MRNIP: variants seen among roughly 807,000 people sequenced by gnomAD.
MRNIP encodes MRN complex-interacting protein.
Under a neutral mutation model 29.8 loss-of-function variants are expected in MRNIP, and 30 were observed. The ratio of observed to expected loss-of-function variants is 1.01; its 90% CI spans 0.75 to 1.36. MRNIP has a LOEUF of 1.36. MRNIP is among the 40% of genes most tolerant of loss of function. The probability of loss-of-function intolerance (pLI) is 0.00; values close to 1 mark genes in which losing one functional copy is unlikely to be tolerated. For missense variants in MRNIP, 459 were observed against 423.5 expected, an observed-to-expected ratio of 1.08 and a Z score of -0.74; for synonymous variants, 201 against 164.1, an observed-to-expected ratio of 1.23 and a Z score of -1.72.
intron 2 of MRNIP, among the ~76,000 whole-genome samples, chr5:179,852,810 G>A (rs1759424504): frequency 6.6e-6 from 1 of 152,184 alleles, no homozygotes; most frequent in African/African-American, 2.4e-5. Flanking sequence ...TAGAGTTCAG[G>A]AGGGGCAATA....
intron 2 of MRNIP, among the ~76,000 whole-genome samples, chr5:179,849,216 A>T (rs1759253614): frequency 6.8e-6 from 1 of 146,386 alleles, no homozygotes; most frequent in African/African-American, 2.6e-5. Context: ...ATTTGAGACC[A>T]TGGGTCCTGC....
rs540133842 is a variant in MRNIP at position 179,854,730 on chromosome 5, G to A, written c.67-1293C>T. Reference sequence around the variant, plus strand: ...AATCCAAACAAAACAAAAACACTCCGTAAGACTCAAATTGAAGCTGTAAAA... The same window carrying A: ...AATCCAAACAAAACAAAAACACTCCATAAGACTCAAATTGAAGCTGTAAAA... On this transcript the variant is annotated intron_variant, in intron 1 of 6. Transcript: ENST00000292586. 9.3e-4 allele frequency among the ~76,000 whole-genome samples: 141 copies of A among 152,094 alleles called. 1 individual carries two copies. Among genetic ancestry groups the A allele is most frequent in the Non-Finnish European group, 1.6e-3 (111 of 68,002 alleles).
chr5:179,858,703 A>G, intron 1 of MRNIP, 28 bp downstream of exon 1: 1 of 1,392,688 alleles, frequency 7.2e-7, no homozygotes, highest in Admixed American at 2.3e-5. Flanking sequence ...GCGCCGGAGG[A>G]GGAGGAGGGG....
In MRNIP at chr5:179,849,735, A is replaced by C. The variant is rs139078185; in HGVS notation, c.127-1669T>G. Among the ~76,000 whole-genome samples, 1,023 of 151,276 alleles carry C rather than the reference A, an allele frequency of 6.8e-3. 9 individuals carry two copies. The highest frequency in any genetic ancestry group is 0.024 in the African/African-American group (977 of 41,102). On this transcript the variant is annotated intron_variant, in intron 2 of 6. Coordinates refer to ENST00000292586, the MANE Select transcript of MRNIP (RefSeq NM_016175.4). Reference sequence around the variant, plus strand: ...GAGACCATGGGTCCTGCTATGGCACAGGCAGATGCTACGAGACGGAATTTG... The same window carrying C: ...GAGACCATGGGTCCTGCTATGGCACCGGCAGATGCTACGAGACGGAATTTG...
At position 179,853,391 on chromosome 5, in the gene MRNIP, T is replaced by G. The variant is rs1759450773; in HGVS notation, c.113A>C (p.Gln38Pro). Residue 38 changes from glutamine to proline, a missense_variant, in exon 2 of 7, where the codon CAG becomes CCG. Gln to Pro is a moderately conservative substitution (Grantham distance 76, BLOSUM62 -1). Transcript: ENST00000292586. ...KWTCKACGEK[Q>P]SFLQAYGEGS... Reference sequence around the variant, plus strand: ...TGTAGGACTCACCTGCAAAAAGGACTGCTTCTCTCCACAAGCTTTGCATGT... The same window carrying G: ...TGTAGGACTCACCTGCAAAAAGGACGGCTTCTCTCCACAAGCTTTGCATGT... 1 of 1,613,170 alleles carries G rather than the reference T, an allele frequency of 6.2e-7. No homozygotes were observed. The highest frequency in any genetic ancestry group is 8.5e-7 in the Non-Finnish European group (1 of 1,179,766).
At chr5:179,850,990 G>A (rs1052550144) in intron 2 of MRNIP, 2 of 321,880 alleles carry the variant, frequency 6.2e-6, no homozygotes, top group Non-Finnish European at 1.2e-5. Context: ...TTGGATCCCT[G>A]AGCAACCACA....
At chr5:179,840,816 T>C (rs1321977864) in intron 6 of MRNIP, 56 bp downstream of exon 6, 1 of 1,219,804 alleles carries the variant, frequency 8.2e-7, no homozygotes. Context: ...AAGACAGAAT[T>C]ATCACACACA....
At chr5:179,844,588 T>C (rs970154453) in intron 3 of MRNIP, among the ~76,000 whole-genome samples, 8 of 151,136 alleles carry the variant, frequency 5.3e-5, no homozygotes, top group Non-Finnish European at 1.0e-4. Flanking sequence ...ACGCCTGCCC[T>C]TTTTTTTTCT....
At position 179,857,881 on chromosome 5, in the gene MRNIP, G is replaced by A. The variant is rs927679726; in HGVS notation, c.66+850C>T. 1.1e-4 allele frequency among the ~76,000 whole-genome samples: 17 copies of A among 151,962 alleles called. 1 individual carries two copies. Among genetic ancestry groups the A allele is most frequent in the Non-Finnish European group, 1.6e-4 (11 of 67,998 alleles). On this transcript the variant is annotated intron_variant, in intron 1 of 6. Coordinates refer to ENST00000292586, the MANE Select transcript of MRNIP (RefSeq NM_016175.4). ...CACAAAATTAGCTGGGCATGGTGGC[G>A]CATGCCTGTAATCCAGCTACTCGGG...
rs376933990 is a variant in MRNIP, at chr5:179,837,868, T to C, written c.555A>G (p.Thr185=). The C allele has an allele frequency of 6.8e-6, 11 of 1,606,824 alleles. No homozygotes were observed. Among genetic ancestry groups the C allele is most frequent in the South Asian group, 1.1e-5 (1 of 91,080 alleles). ...WGPQKGQAGL[T]WKVKQGSSPC... ...GGCTGCTGCCTTGTTTCACCTTCCA[T>C]GTCAGGCCAGCCTGTCCCTGAAAGA... The change falls in exon 7 of 7, where the codon ACA becomes ACG. Residue 185 remains threonine (T), a synonymous_variant. Coordinates refer to ENST00000292586, the MANE Select transcript of MRNIP (RefSeq NM_016175.4).
chr5:179,839,819 G>GTGCCA (rs1758798572), intron 6 of MRNIP: 1 of 152,432 alleles, frequency 6.6e-6, no homozygotes, highest in African/African-American at 2.4e-5. Flanking sequence ...GGTGGGGCCT[G>GTGCCA]CTGGACTGGA....
intron 2 of MRNIP, among the ~76,000 whole-genome samples, chr5:179,850,825 T>C (rs1759336823): frequency 6.6e-6 from 1 of 152,164 alleles, no homozygotes; most frequent in African/African-American, 2.4e-5. Flanking sequence ...AACCAGCCTC[T>C]TTCCATGGCA....
chr5:179,838,079 CCTT>C (rs367656456), intron 6 of MRNIP, 194 bp from the exon 7 acceptor site: 171 of 602,188 alleles, frequency 2.8e-4, no homozygotes, highest in African/African-American at 2.7e-3. Flanking sequence ...TCACCGCAAA[CCTT>C]CTGCTAAATT....
chr5:179,852,502 G>A (rs1759415245), intron 2 of MRNIP, among the ~76,000 whole-genome samples: 1 of 152,144 alleles, frequency 6.6e-6, no homozygotes, highest in South Asian at 2.1e-4. Context: ...GCTAGGTGCT[G>A]CGGATACACC....
chr5:179,840,897 G>A lies in MRNIP; in HGVS notation c.512C>T (p.Ser171Phe). The A allele has an allele frequency of 1.2e-6, 2 of 1,611,958 alleles. No homozygotes were observed. The highest frequency in any genetic ancestry group is 1.7e-6 in the Non-Finnish European group (2 of 1,179,238). Residue 171 changes from serine (S) to phenylalanine (F), a missense_variant, in exon 6 of 7, where the codon TCT (serine) becomes TTT (phenylalanine). Physicochemically the swap from Ser to Phe is radical, Grantham distance 155 (BLOSUM62 -2). Transcript: ENST00000292586. ...CSRGVQDSGG[S>F]EVAWGPQKGQ... Reference sequence around the variant, plus strand: ...CTTCTGGGGTCCCCAGGCGACCTCAGAGCCACCCGAGTCCTGCACGCCACG... The same window carrying A: ...CTTCTGGGGTCCCCAGGCGACCTCAAAGCCACCCGAGTCCTGCACGCCACG...
At chr5:179,840,100 A>T (rs1221818954) in intron 6 of MRNIP, 4 of 152,038 alleles carry the variant, frequency 2.6e-5, no homozygotes, top group Non-Finnish European at 5.9e-5. Flanking sequence ...GTGCACAACC[A>T]CGCCCAGCTA....
intron 4 of MRNIP, among the ~76,000 whole-genome samples, chr5:179,842,663 A>G (rs1221486744): frequency 2.5e-4 from 30 of 122,168 alleles, no homozygotes; most frequent in South Asian, 5.8e-4. Context: ...TGGTGCCATT[A>G]CACTCCAGCC....
Position 179,843,062 on chromosome 5 carries a change from G to GAA in MRNIP, c.292-999_292-998insTT, listed in dbSNP as rs57581691. 3.0e-3 allele frequency among the ~76,000 whole-genome samples: 429 copies of GAA among 142,838 alleles called. 1 individual carries two copies. The highest frequency in any genetic ancestry group is 4.6e-3 in the African/African-American group (182 of 39,780). 93.7% of individuals were successfully genotyped at this position (142,838 alleles called of 152,430 possible). The stretch of plus-strand genomic sequence containing the variant: ...GGAAAGAAGGAAGGAAGGAAGGAAG[G>GAA]GAGGGAGGGAGGGAGGGAGGCAGGC... On this transcript the variant is annotated intron_variant, in intron 4 of 6. Coordinates refer to ENST00000292586, the MANE Select transcript of MRNIP (RefSeq NM_016175.4).
At chr5:179,843,807 GGT>G (rs1393464272) in intron 4 of MRNIP, among the ~76,000 whole-genome samples, 1 of 152,024 alleles carries the variant, frequency 6.6e-6, no homozygotes, top group African/African-American at 2.4e-5. Context: ...TGGAAACCCA[GGT>G]GTTTCACCCC....
Sources: allele counts gnomAD v4.1 joint callset (sites outside exome capture counted in the v4.1 genomes callset), GRCh38; gene constraint gnomAD v4.1.1; transcripts MANE v1.5; gene names NCBI Gene and HGNC (gene_info 2026-07-23, HGNC 2026-07-21).